The following POLR3E variants were observed in gnomAD, a reference collection of about 807,000 sequenced individuals.
The protein encoded by POLR3E is RNA polymerase III subunit E.
POLR3E carries 41 observed loss-of-function variants against 96.6 expected under a neutral mutation model. The observed-to-expected ratio is 0.42, with a 90% CI of 0.33 to 0.55. The LOEUF (loss-of-function observed/expected upper bound fraction) is 0.55. Among genes scored for constraint, POLR3E ranks in the 20% least tolerant of loss-of-function variants. POLR3E has a pLI of 0.06. For missense variants in POLR3E, 849 were observed against 952.1 expected (o/e 0.89, Z 1.43); for synonymous variants, 396 against 383.6 (o/e 1.03, Z -0.38).
At chr16:22,298,442 C>CT (rs2047943338) in intron 1 of POLR3E, among the ~76,000 whole-genome samples, 1 of 152,310 alleles carries the variant, frequency 6.6e-6, no homozygotes, top group Admixed American at 6.5e-5. Context: ...GTCCTTACTC[C>CT]TTCCCCGCAG....
rs925148431 is a variant in POLR3E at position 22,313,004 on chromosome 16, C to T, written c.365-616C>T. ...CAAAAGTAGTGTCATATAACTCGCG[C>T]GTTCTGTTTAGAACCCATGTCTCAA... On this transcript the variant is annotated intron_variant, in intron 6 of 20. Transcript: ENST00000299853. The surrounding 1 kb of genome is among the most constrained non-coding windows in gnomAD (Gnocchi z 4.1). Among the ~76,000 whole-genome samples, 4 of 152,042 alleles carry T rather than the reference C, an allele frequency of 2.6e-5. No individual in the cohort carries two copies. Among genetic ancestry groups the T allele is most frequent in the African/African-American group, 7.2e-5 (3 of 41,386 alleles).
chr16:22,328,661 A>G (rs922028950), intron 19 of POLR3E, 74 bp downstream of exon 19: 33 of 1,184,722 alleles, frequency 2.8e-5, no homozygotes, highest in Non-Finnish European at 4.2e-5. Context: ...CTTGGGGGAC[A>G]TGTGCACCCA....
chr16:22,311,654 G>T (rs764535709), intron 6 of POLR3E, among the ~76,000 whole-genome samples: 3 of 151,542 alleles, frequency 2.0e-5, no homozygotes, highest in Non-Finnish European at 2.9e-5. Context: ...ACCACATCTG[G>T]CTAATTTTTT....
chr16:22,322,959 C>G lies in POLR3E; in HGVS notation c.1068+28C>G. ...AAGTACCTTGGGTTCTCTGGACTCA[C>G]GGTGGGGGCGTGGGAAGAGGGGGGC... On this transcript the variant is annotated intron_variant, in intron 14 of 20. Transcript: ENST00000299853. This position sits in a 1 kb window ranked among gnomAD's most constrained non-coding sequence, Gnocchi z 5.2. 1.3e-6 allele frequency: 2 copies of G among 1,507,192 alleles called. No homozygotes were observed. Among genetic ancestry groups the G allele is most frequent in the South Asian group, 2.3e-5 (2 of 87,254 alleles). 93.4% of individuals were successfully genotyped at this position (1,507,192 alleles called of 1,614,324 possible).
rs375281096 is a variant in POLR3E, at chr16:22,308,632, T to A, written c.166-293T>A. Among the ~76,000 whole-genome samples the A allele has an allele frequency of 8.9e-4, 136 of 152,232 alleles. 3 individuals carry two copies. In the South Asian group the frequency reaches 0.024, roughly 27 times the overall value. On this transcript the variant is annotated intron_variant, in intron 4 of 20. Coordinates refer to ENST00000299853, the MANE Select transcript of POLR3E (RefSeq NM_018119.4). ...TTTCAAGAGAAGTGGGAAATAAGGA[T>A]TTTTATGAGAAATCTCTTGATTTTT...
At chr16:22,312,885 A>G (rs1000288903) in intron 6 of POLR3E, among the ~76,000 whole-genome samples, 1 of 151,664 alleles carries the variant, frequency 6.6e-6, no homozygotes, top group East Asian at 1.9e-4. Flanking sequence ...AAAAAAAAAA[A>G]AAAAAAAAAA....
At chr16:22,311,328 A>C (rs538708361) in intron 6 of POLR3E, among the ~76,000 whole-genome samples, 6 of 142,256 alleles carry the variant, frequency 4.2e-5, no homozygotes, top group African/African-American at 1.6e-4. Context: ...AGTCTGTATG[A>C]AGTCTACAGT....
intron 17 of POLR3E, 61 bp from the exon 18 acceptor site, chr16:22,325,700 G>T: frequency 6.7e-7 from 1 of 1,496,276 alleles, no homozygotes; most frequent in South Asian, 1.4e-5. Context: ...GCGGTCCCCT[G>T]CTGGGCTTTT....
At chr16:22,311,757 G>T (rs1395021985) in intron 6 of POLR3E, among the ~76,000 whole-genome samples, 1 of 152,054 alleles carries the variant, frequency 6.6e-6, no homozygotes, top group Non-Finnish European at 1.5e-5. Flanking sequence ...CTGCCTCCCA[G>T]AGTTCTGGGA....
At chr16:22,331,453 G>A (rs1450641298) in intron 19 of POLR3E, 2 of 152,018 alleles carry the variant, frequency 1.3e-5, no homozygotes, top group Non-Finnish European at 2.9e-5. Context: ...GCCCTGGTGC[G>A]GGTCATTATT....
chr16:22,325,661 A>G, intron 17 of POLR3E, 100 bp from the exon 18 acceptor site: 2 of 1,362,088 alleles, frequency 1.5e-6, no homozygotes, highest in African/African-American at 2.9e-5. Context: ...TGGGGATGAG[A>G]CCAGGACGGG....
At chr16:22,309,575 C>A in intron 6 of POLR3E, 65 bp downstream of exon 6, 1 of 1,123,434 alleles carries the variant, frequency 8.9e-7, no homozygotes, top group Non-Finnish European at 1.4e-6. Flanking sequence ...AGGGAGAGTA[C>A]CTCCCCAGCC....
At chr16:22,306,650 C>G (rs575204356) in intron 3 of POLR3E, among the ~76,000 whole-genome samples, 26 of 152,330 alleles carry the variant, frequency 1.7e-4, no homozygotes, top group Non-Finnish European at 2.9e-4. Flanking sequence ...GTTATTTCTA[C>G]TTTTTGGCTA....
Position 22,313,528 on chromosome 16 carries a change from GTGGGCC to G in POLR3E, c.365-90_365-85del. 1.3e-6 allele frequency: 1 copy of G among 768,538 alleles called. No homozygotes were observed. The allele number at this position is 768,538 out of a possible 1,614,324, so 47.6% of individuals were successfully genotyped here. A position where few individuals can be genotyped will look rare whatever the true frequency, so the allele number is the denominator to read the frequency against. ...AGCGGGAATGGGAGGCGGTTTGATGGTGGGCCTAGGCCTTCACGGGACTTGGTGACT... is the reference window on the plus strand; with the variant it reads ...AGCGGGAATGGGAGGCGGTTTGATGGTAGGCCTTCACGGGACTTGGTGACT... On this transcript the variant is annotated intron_variant, in intron 6 of 20. Coordinates refer to ENST00000299853, the MANE Select transcript of POLR3E (RefSeq NM_018119.4). This position sits in a 1 kb window ranked among gnomAD's most constrained non-coding sequence, Gnocchi z 4.1.
chr16:22,324,751 T>G, intron 16 of POLR3E, 91 bp downstream of exon 16: 422 of 1,361,610 alleles, frequency 3.1e-4, no homozygotes, highest in Non-Finnish European at 4.0e-4. Flanking sequence ...GAGCAATCTC[T>G]AGAAACCCCA....
intron 18 of POLR3E, 132 bp from the exon 19 acceptor site, chr16:22,328,378 G>GGTGA (rs1314560988): frequency 1.4e-6 from 1 of 738,170 alleles, no homozygotes; most frequent in Admixed American, 2.1e-5. Flanking sequence ...CCTCAGAGAT[G>GGTGA]GTGAGTAGCA....
Position 22,314,191 on chromosome 16 carries a change from G to A in POLR3E, c.522+63G>A. The A allele has an allele frequency of 9.1e-6, 12 of 1,313,068 alleles. No individual in the cohort carries two copies. In the South Asian group the frequency reaches 1.2e-4, roughly 13 times the overall value. 81.3% of individuals were successfully genotyped at this position (1,313,068 alleles called of 1,614,324 possible). On this transcript the variant is annotated intron_variant, in intron 8 of 20. Transcript: ENST00000299853. Reference sequence around the variant, plus strand: ...GGCGGCAGCAGGACCAGAGACCAAGGGGTAGCGGGTCTTCACAGAATGCAG... The same window carrying A: ...GGCGGCAGCAGGACCAGAGACCAAGAGGTAGCGGGTCTTCACAGAATGCAG...
At position 22,325,887 on chromosome 16, in the gene POLR3E, C is replaced by T. The variant is rs1414127620; in HGVS notation, c.1475C>T (p.Pro492Leu). Residue 492 changes from proline to leucine, a missense_variant, in exon 18 of 21, where the codon CCG becomes CTG. Coordinates refer to ENST00000299853, the MANE Select transcript of POLR3E (RefSeq NM_018119.4). The part of the protein sequence containing the change: ...RKEQLRVPAV[P>L]PGVRIKEEPV... ...GAGCAGCTGCGGGTGCCTGCGGTCCCGCCCGGTGTGCGGATCAAGGAGGAG... is the reference window on the plus strand; with the variant it reads ...GAGCAGCTGCGGGTGCCTGCGGTCCTGCCCGGTGTGCGGATCAAGGAGGAG... The T allele has an allele frequency of 5.0e-6, 8 of 1,609,370 alleles. No homozygotes were observed. Among genetic ancestry groups the T allele is most frequent in the Admixed American group, 1.7e-5 (1 of 59,206 alleles).
intron 6 of POLR3E, among the ~76,000 whole-genome samples, chr16:22,311,812 C>T (rs1220584937): frequency 1.3e-5 from 2 of 152,036 alleles, no homozygotes; most frequent in Non-Finnish European, 2.9e-5. Context: ...TATTTAGATA[C>T]ACAAATACCA....
Sources: gnomAD v4.1 joint callset for allele counts (sites outside exome capture counted in the v4.1 genomes callset) on GRCh38, gnomAD v4.1.1 for gene constraint, Gnocchi (gnomAD v3.1) non-coding constraint, MANE v1.5 for transcripts, NCBI Gene and HGNC (gene_info 2026-07-23, HGNC 2026-07-21) for gene names.